The following AIG1 variants were observed in gnomAD, a reference collection of about 807,000 sequenced individuals.
AIG1 encodes the protein androgen-induced gene 1 protein.
Under a neutral mutation model 31.4 loss-of-function variants are expected in AIG1, and 23 were observed. The observed-to-expected ratio is 0.73, with a 90% CI of 0.53 to 1.04. The LOEUF (loss-of-function observed/expected upper bound fraction) is 1.04, where lower values mean the gene tolerates loss of function less well. Among genes scored for constraint, AIG1 ranks in the 50% least tolerant of loss-of-function variants. The pLI, the probability that AIG1 is intolerant of heterozygous loss-of-function variation, is 0.00. For synonymous variants in AIG1, 100 were observed against 110.5 expected, an observed-to-expected ratio of 0.90 and a Z score of 0.60; for missense variants, 274 against 295.0, an observed-to-expected ratio of 0.93 and a Z score of 0.52.
intron 3 of AIG1, among the ~76,000 whole-genome samples, chr6:143,215,974 T>G (rs1170021764): frequency 6.6e-6 from 1 of 152,074 alleles, no homozygotes; most frequent in East Asian, 1.9e-4. Flanking sequence ...TAGAATAAAA[T>G]TTTAATTACA....
chr6:143,125,262 G>A (rs1371250371), intron 1 of AIG1, among the ~76,000 whole-genome samples: 1 of 152,042 alleles, frequency 6.6e-6, no homozygotes, highest in Non-Finnish European at 1.5e-5. Flanking sequence ...CTATTATTGT[G>A]CTTAAATCTA....
chr6:143,212,278 T>TCC (rs1215050028), intron 3 of AIG1, among the ~76,000 whole-genome samples: 1 of 152,188 alleles, frequency 6.6e-6, no homozygotes, highest in Non-Finnish European at 1.5e-5. Context: ...TCGAGCCCAT[T>TCC]CTTCTCTCCA....
chr6:143,342,370 G>T, downstream of AIG1: 1 of 679,164 alleles, frequency 1.5e-6, no homozygotes, highest in Non-Finnish European at 2.7e-6. Context: ...CTTAGACGCA[G>T]GTTTAACTTC....
chr6:143,155,903 A>G (rs986744475), intron 2 of AIG1, among the ~76,000 whole-genome samples: 1 of 152,168 alleles, frequency 6.6e-6, no homozygotes, highest in Admixed American at 6.5e-5. Flanking sequence ...CAAGTTCTTC[A>G]AAGTTTACTC....
chr6:143,273,695 G>C (rs1011312756), intron 3 of AIG1, among the ~76,000 whole-genome samples: 1 of 152,172 alleles, frequency 6.6e-6, no homozygotes, highest in Admixed American at 6.5e-5. Flanking sequence ...AGGCAAGAGA[G>C]CATGAGAGCC....
intron 3 of AIG1, among the ~76,000 whole-genome samples, chr6:143,236,351 A>G (rs1363508649): frequency 3.3e-5 from 5 of 152,222 alleles, no homozygotes; most frequent in Non-Finnish European, 7.3e-5. Context: ...GACTCACGCC[A>G]TCTGTTGGTA....
chr6:143,270,018 A>G (rs77728922), intron 3 of AIG1, among the ~76,000 whole-genome samples: 1 of 152,232 alleles, frequency 6.6e-6, no homozygotes, highest in Non-Finnish European at 1.5e-5. Context: ...AGAAGAAGGA[A>G]GGGCAGATGT....
intron 4 of AIG1, among the ~76,000 whole-genome samples, chr6:143,295,913 TAA>T (rs1322919762): frequency 6.6e-6 from 1 of 152,218 alleles, no homozygotes; most frequent in Non-Finnish European, 1.5e-5. Context: ...TCCAGTATTC[TAA>T]GAGTTAATCC....
chr6:143,060,946 G>A lies in AIG1; in HGVS notation c.21G>A (p.Gln7=), dbSNP rs1181573681. ...CGAACATGGCGCTTGTCCCCTGCCAGGTGCTGCGGATGGCAATCCTGCTGT... is the reference window on the plus strand; with the variant it reads ...CGAACATGGCGCTTGTCCCCTGCCAAGTGCTGCGGATGGCAATCCTGCTGT... MALVPC[Q]VLRMAILLSY... is the part of the protein sequence containing the mutation. The change falls in exon 1 of 6, where the codon CAG becomes CAA. Residue 7 remains glutamine (Q), a synonymous_variant. Coordinates refer to ENST00000357847, the MANE Select transcript of AIG1 (RefSeq NM_016108.4). 1 of 1,611,700 alleles carries A rather than the reference G, an allele frequency of 6.2e-7. No individual in the cohort carries two copies. The highest frequency in any genetic ancestry group is 1.1e-5 in the South Asian group (1 of 91,038).
chr6:143,324,496 C>A (rs1042129284), intron 4 of AIG1, among the ~76,000 whole-genome samples: 1 of 152,120 alleles, frequency 6.6e-6, no homozygotes, highest in South Asian at 2.1e-4. Context: ...GAGCCCTGTC[C>A]CCATCCATCA....
intron 3 of AIG1, among the ~76,000 whole-genome samples, chr6:143,278,480 TC>T (rs1797103038): frequency 1.3e-5 from 2 of 150,264 alleles, no homozygotes; most frequent in South Asian, 2.1e-4. Flanking sequence ...TTTTTTTTTT[TC>T]TTTTTGAGAC....
rs1268480860 is a variant in AIG1 at position 143,061,080 on chromosome 6, C to T, written c.141+14C>T. 3.7e-6 allele frequency: 6 copies of T among 1,611,476 alleles called. No individual in the cohort carries two copies. The highest frequency in any genetic ancestry group is 4.2e-6 in the Non-Finnish European group (5 of 1,178,616). On this transcript the variant is annotated intron_variant, in intron 1 of 5. Coordinates refer to ENST00000357847, the MANE Select transcript of AIG1 (RefSeq NM_016108.4). ...TTCATTGATCTGGTAAGGCCGTCCCCTCCCCCTGCTCGCCCCGCACCCCGT... is the reference window on the plus strand; with the variant it reads ...TTCATTGATCTGGTAAGGCCGTCCCTTCCCCCTGCTCGCCCCGCACCCCGT...
rs553940778 is a variant in AIG1, at chr6:143,148,764, A to G, written c.297+11774A>G. On this transcript the variant is annotated intron_variant, in intron 2 of 5. Coordinates refer to ENST00000357847, the MANE Select transcript of AIG1 (RefSeq NM_016108.4). ...GCTTGAGCCTAGAGATTCGAGCTGCAGTGAGCTGTGATCACTGCATTCCAG... is the reference window on the plus strand; with the variant it reads ...GCTTGAGCCTAGAGATTCGAGCTGCGGTGAGCTGTGATCACTGCATTCCAG... Among the ~76,000 whole-genome samples, 9 of 152,080 alleles carry G rather than the reference A, an allele frequency of 5.9e-5. 1 individual carries two copies. Among genetic ancestry groups the G allele is most frequent in the Non-Finnish European group, 1.5e-5 (1 of 67,960 alleles).
In AIG1 at chr6:143,194,087, A is replaced by G. The variant is rs190780319; in HGVS notation, c.399+28904A>G. Among the ~76,000 whole-genome samples, 97 of 152,344 alleles carry G rather than the reference A, an allele frequency of 6.4e-4. 2 individuals are homozygous for G. The Middle Eastern group carries it at 0.014, about 21-fold the overall frequency. ...ATGATTCTTCCTGCTTATCCCCTGT[A>G]TATTAGTCCACTCTCACACTGCTAT... is the stretch of plus-strand genomic sequence containing the variant. On this transcript the variant is annotated intron_variant, in intron 3 of 5. Transcript: ENST00000357847.
At chr6:143,170,032 T>C (rs1405309109) in intron 3 of AIG1, among the ~76,000 whole-genome samples, 2 of 152,148 alleles carry the variant, frequency 1.3e-5, no homozygotes. Flanking sequence ...ATCAGAGATA[T>C]TGGCCTATAG....
At chr6:143,159,973 G>T (rs956110486) in intron 2 of AIG1, among the ~76,000 whole-genome samples, 1 of 152,198 alleles carries the variant, frequency 6.6e-6, no homozygotes. Context: ...CTGGAAGCAA[G>T]GTAATAGAGC....
In AIG1 at chr6:143,253,839, C is replaced by T. The variant is rs183673589; in HGVS notation, c.400-30271C>T. ...GAAGTTACTGGTCTTGGTTTGTTTA[C>T]ATTGAATCTCATGGGTTAGTAAAAA... On this transcript the variant is annotated intron_variant, in intron 3 of 5. Transcript: ENST00000357847. 9.8e-5 allele frequency among the ~76,000 whole-genome samples: 15 copies of T among 152,324 alleles called. No individual in the cohort carries two copies. The East Asian group carries it at 2.3e-3, about 24-fold the overall frequency.
chr6:143,176,479 C>G (rs898471521), intron 3 of AIG1, among the ~76,000 whole-genome samples: 1 of 152,006 alleles, frequency 6.6e-6, no homozygotes, highest in African/African-American at 2.4e-5. Flanking sequence ...GGACAGAGTT[C>G]AGCATGTCTG....
At chr6:143,185,247 G>A (rs1346343307) in intron 3 of AIG1, among the ~76,000 whole-genome samples, 2 of 151,528 alleles carry the variant, frequency 1.3e-5, no homozygotes, top group African/African-American at 2.4e-5. Context: ...CTTTGATTCT[G>A]AATCTGATCT....
Sources: gnomAD v4.1 joint callset for allele counts (sites outside exome capture counted in the v4.1 genomes callset) on GRCh38, gnomAD v4.1.1 for gene constraint, MANE v1.5 for transcripts, NCBI Gene and HGNC (gene_info 2026-07-23, HGNC 2026-07-21) for gene names.